Variants in PAWR observed in about 807,000 individuals in gnomAD.
PAWR encodes the protein PRKC apoptosis WT1 regulator protein.
PAWR carries 23 observed loss-of-function variants against 32.0 expected under a neutral mutation model. The ratio of observed to expected loss-of-function variants is 0.72; its 90% CI spans 0.52 to 1.02. PAWR has a LOEUF of 1.02. Among genes scored for constraint, PAWR ranks in the 50% least tolerant of loss-of-function variants. PAWR has a pLI of 0.00. For synonymous variants in PAWR, 226 were observed against 187.1 expected (o/e 1.21, Z -1.70); for missense variants, 457 against 437.7 (o/e 1.04, Z -0.39).
chr12:79,662,560 T>C (rs1041692340), intron 2 of PAWR, among the ~76,000 whole-genome samples: 2 of 152,204 alleles, frequency 1.3e-5, no homozygotes, highest in African/African-American at 2.4e-5. Flanking sequence ...ACTTCAATAA[T>C]GGACCACACT....
At chr12:79,674,605 C>G (rs1433341113) in intron 2 of PAWR, among the ~76,000 whole-genome samples, 2 of 151,924 alleles carry the variant, frequency 1.3e-5, no homozygotes, top group Non-Finnish European at 2.9e-5. Flanking sequence ...AAACTATCAA[C>G]AGAGTAAAAA....
At chr12:79,663,245 T>C (rs1592540663) in intron 2 of PAWR, among the ~76,000 whole-genome samples, 1 of 152,186 alleles carries the variant, frequency 6.6e-6, no homozygotes, top group East Asian at 1.9e-4. Flanking sequence ...AGATTTTTAT[T>C]GGTGCTTTGC....
At chr12:79,611,973 C>T (rs546678771) in intron 4 of PAWR, among the ~76,000 whole-genome samples, 58 of 152,140 alleles carry the variant, frequency 3.8e-4, no homozygotes, top group Non-Finnish European at 7.2e-4. Flanking sequence ...AAGACTATTA[C>T]TTGATAAGAA....
intron 2 of PAWR, among the ~76,000 whole-genome samples, chr12:79,647,816 A>C (rs748276611): frequency 6.6e-6 from 1 of 152,214 alleles, no homozygotes; most frequent in African/African-American, 2.4e-5. Context: ...ATCAAAATTA[A>C]ATTCCCAATA....
chr12:79,653,041 ATTTG>A lies in PAWR; in HGVS notation c.517-31838_517-31835del, dbSNP rs538143028. ...ATTCTGTTTTTGTGTTTGTTTTTTT[ATTTG>A]TTTGTTTGTTTTTTTGAGACAGAGT... On this transcript the variant is annotated intron_variant, in intron 2 of 6. Transcript: ENST00000328827. 3.1e-3 allele frequency among the ~76,000 whole-genome samples: 479 copies of A among 152,128 alleles called. 1 individual carries two copies. Among genetic ancestry groups the A allele is most frequent in the Non-Finnish European group, 5.3e-3 (357 of 67,974 alleles).
At chr12:79,652,437 T>C (rs1378383424) in intron 2 of PAWR, among the ~76,000 whole-genome samples, 1 of 152,206 alleles carries the variant, frequency 6.6e-6, no homozygotes, top group Non-Finnish European at 1.5e-5. Flanking sequence ...GATGTGCGGA[T>C]GTGAGCAGAT....
chr12:79,672,046 C>T (rs1472202866), intron 2 of PAWR, among the ~76,000 whole-genome samples: 1 of 152,142 alleles, frequency 6.6e-6, no homozygotes, highest in Non-Finnish European at 1.5e-5. Flanking sequence ...GATTGCTCTG[C>T]TTCTCACAGA....
intron 2 of PAWR, among the ~76,000 whole-genome samples, chr12:79,632,361 A>ATATATTTT (rs1566011212): frequency 4.9e-5 from 1 of 20,596 alleles, no homozygotes; most frequent in Non-Finnish European, 7.7e-5. Flanking sequence ...ATATATATAT[A>ATATATTTT]TTTTTTTTTT....
chr12:79,621,355 T>G, intron 2 of PAWR, 148 bp from the exon 3 acceptor site: 1 of 613,692 alleles, frequency 1.6e-6, no homozygotes, highest in Non-Finnish European at 2.7e-6. Context: ...CAGCAATATG[T>G]ACATTTAATT....
intron 2 of PAWR, among the ~76,000 whole-genome samples, chr12:79,670,623 AC>A (rs1261046177): frequency 1.3e-5 from 2 of 152,224 alleles, no homozygotes; most frequent in African/African-American, 4.8e-5. Flanking sequence ...GGAGTAATTT[AC>A]AAAATATCAA....
At chr12:79,647,238 C>T (rs934113922) in intron 2 of PAWR, among the ~76,000 whole-genome samples, 3 of 151,296 alleles carry the variant, frequency 2.0e-5, no homozygotes, top group Non-Finnish European at 2.9e-5. Flanking sequence ...AACTTTCAGG[C>T]ATACTACTGC....
At chr12:79,622,540 G>A (rs1875075577) in intron 2 of PAWR, among the ~76,000 whole-genome samples, 1 of 152,056 alleles carries the variant, frequency 6.6e-6, no homozygotes, top group Non-Finnish European at 1.5e-5. Flanking sequence ...TCCCACCTAC[G>A]AGTGAGAATA....
intron 2 of PAWR, among the ~76,000 whole-genome samples, chr12:79,659,561 C>T (rs1037195644): frequency 6.6e-6 from 1 of 152,100 alleles, no homozygotes; most frequent in African/African-American, 2.4e-5. Context: ...CAAGAAACCC[C>T]TAAATAAGGC....
At chr12:79,605,527 TTTA>T (rs1444806127) in intron 4 of PAWR, among the ~76,000 whole-genome samples, 3 of 151,812 alleles carry the variant, frequency 2.0e-5, no homozygotes, top group African/African-American at 7.3e-5. Context: ...TTCTTTTTTT[TTTA>T]AAAAAAAAGC....
intron 4 of PAWR, among the ~76,000 whole-genome samples, chr12:79,612,012 T>C (rs1003216935): frequency 1.1e-4 from 17 of 152,102 alleles, no homozygotes; most frequent in Non-Finnish European, 2.4e-4. Context: ...TACAACAAAC[T>C]TGATAAGTTG....
chr12:79,632,132 C>CAAAAAAAAAAA (rs59152885), intron 2 of PAWR: 12 of 50,912 alleles, frequency 2.4e-4, no homozygotes, highest in African/African-American at 7.9e-4. Context: ...GACTCTGTCT[C>CAAAAAAAAAAA]AAAAAAAAAA....
intron 2 of PAWR, among the ~76,000 whole-genome samples, chr12:79,688,219 C>A (rs1392016006): frequency 2.0e-5 from 3 of 148,152 alleles, no homozygotes; most frequent in Non-Finnish European, 3.0e-5. Context: ...GTAAACATTA[C>A]CCTTGTTTAA....
chr12:79,664,472 A>C (rs1877502501), intron 2 of PAWR, among the ~76,000 whole-genome samples: 1 of 152,252 alleles, frequency 6.6e-6, no homozygotes, highest in African/African-American at 2.4e-5. Context: ...CCAAGTTTTT[A>C]TACTAAACCT....
chr12:79,634,044 T>C (rs1875843101), intron 2 of PAWR, among the ~76,000 whole-genome samples: 1 of 152,168 alleles, frequency 6.6e-6, no homozygotes, highest in Non-Finnish European at 1.5e-5. Flanking sequence ...CTTCATTATA[T>C]GATTCTCCTT....
Sources: allele counts gnomAD v4.1 joint callset (sites outside exome capture counted in the v4.1 genomes callset), GRCh38; gene constraint gnomAD v4.1.1; transcripts MANE v1.5; gene names NCBI Gene and HGNC (gene_info 2026-07-23, HGNC 2026-07-21).